UCKL1: variants seen among roughly 807,000 people sequenced by gnomAD.
UCKL1 encodes uridine-cytidine kinase 1 like 1.
Under a neutral mutation model 59.2 loss-of-function variants are expected in UCKL1, and 65 were observed. That is an observed-to-expected ratio of 1.10 (90% CI 0.90 to 1.35). The LOEUF (loss-of-function observed/expected upper bound fraction) is 1.35. Among genes scored for constraint, UCKL1 ranks in the 40% most tolerant of loss-of-function variants. UCKL1 has a pLI of 0.00. For missense variants in UCKL1, 703 were observed against 784.3 expected (o/e 0.90, Z 1.24); for synonymous variants, 410 against 323.1 (o/e 1.27, Z -2.88).
intron 1 of UCKL1, chr20:63,951,294 G>A (rs910851952): frequency 1.2e-5 from 9 of 773,628 alleles, no homozygotes; most frequent in African/African-American, 7.6e-5. Flanking sequence ...TCCTGTGTGT[G>A]GGCTGGCACA....
Position 63,945,809 on chromosome 20 carries a change from T to C in UCKL1, c.578A>G (p.Asp193Gly). The change falls in exon 4 of 15, where the codon GAC becomes GGC. Residue 193 changes from aspartate to glycine, a missense_variant. Physicochemically the swap from Asp to Gly is moderately conservative, Grantham distance 94. Around this residue, in one of 4 missense-constraint regions of UCKL1, gnomAD observed 398 missense variants for 373.0 expected, o/e 1.07. Transcript: ENST00000354216. ...YDFTTHSRKK[D>G]WKTLYGANVI... ...CTCTGCAGGGCCCTGGCCTACCCAG[T>C]CCTTCTTCCGGCTGTGCGTGGTGAA... The C allele has an allele frequency of 1.9e-6, 3 of 1,613,566 alleles. No individual in the cohort carries two copies. The highest frequency in any genetic ancestry group is 1.1e-5 in the South Asian group (1 of 91,086).
rs1175903967 is a variant in UCKL1 at position 63,956,296 on chromosome 20, C to T, written c.77G>A (p.Arg26Gln). The T allele has an allele frequency of 1.3e-6, 2 of 1,561,610 alleles. No homozygotes were observed. The highest frequency in any genetic ancestry group is 1.7e-6 in the Non-Finnish European group (2 of 1,158,300). Reference sequence around the variant, plus strand: ...CGCGGTCTCGCTTTTCTCAGCCTGCCGGCCTGGTGTGTCTCGGGCCGTAGG... The same window carrying T: ...CGCGGTCTCGCTTTTCTCAGCCTGCTGGCCTGGTGTGTCTCGGGCCGTAGG... ...SPPTARDTPGRQAEKSETACE... is the reference protein window; with the variant it reads ...SPPTARDTPGQQAEKSETACE... The change falls in exon 1 of 15, where the codon CGG becomes CAG. Residue 26 changes from arginine to glutamine, a missense_variant. Physicochemically the swap from Arg to Gln is conservative, Grantham distance 43 (BLOSUM62 1). Coordinates refer to ENST00000354216, the MANE Select transcript of UCKL1 (RefSeq NM_017859.4).
chr20:63,950,651 T>C, intron 1 of UCKL1: 1 of 1,264,902 alleles, frequency 7.9e-7, no homozygotes, highest in Non-Finnish European at 1.0e-6. Context: ...CCTGCCAGCC[T>C]GTTTGATTCC....
chr20:63,945,527 A>C, intron 5 of UCKL1, 124 bp downstream of exon 5: 1 of 954,026 alleles, frequency 1.0e-6, no homozygotes, highest in Non-Finnish European at 1.6e-6. Context: ...TGGGGTAGGG[A>C]GTGGCTGGCC....
chr20:63,940,669 C>CG lies in UCKL1; in HGVS notation c.1226dup (p.Leu410AlafsTer38). The CG allele has an allele frequency of 6.2e-7, 1 of 1,608,608 alleles. No homozygotes were observed. On this transcript the variant is annotated frameshift_variant, in exon 12 of 15. Coordinates refer to ENST00000354216, the MANE Select transcript of UCKL1 (RefSeq NM_017859.4). LOFTEE classifies it high-confidence loss of function. ...GCACGTCTTTGCACACAGCGCGCAG[C>CG]GCGGGCTCCATGGTTTCACCGGCGC... is the stretch of plus-strand genomic sequence containing the variant.
intron 1 of UCKL1, among the ~76,000 whole-genome samples, chr20:63,949,294 C>A (rs2057206395): frequency 6.6e-6 from 1 of 152,132 alleles, no homozygotes; most frequent in African/African-American, 2.4e-5. Flanking sequence ...GAGGGCGGCC[C>A]GGGGGACAGC....
At position 63,940,938 on chromosome 20, in the gene UCKL1, C is replaced by CG; in HGVS notation, c.1116+11dup. On this transcript the variant is annotated intron_variant, in intron 10 of 14. Transcript: ENST00000354216. ...GACCCACCCTCCACCTCGCGGGCTACGGGCTACGAACCTGAAAGGGCAGGA... is the reference window on the plus strand; with the variant it reads ...GACCCACCCTCCACCTCGCGGGCTACGGGGCTACGAACCTGAAAGGGCAGGA... 1 of 1,520,482 alleles carries CG rather than the reference C, an allele frequency of 6.6e-7. No individual in the cohort carries two copies. The highest frequency in any genetic ancestry group is 8.8e-7 in the Non-Finnish European group (1 of 1,133,200). The allele number at this position is 1,520,482 out of a possible 1,614,324, so 94.2% of individuals were successfully genotyped here. A position where few individuals can be genotyped will look rare whatever the true frequency, so the allele number is the denominator to read the frequency against.
intron 8 of UCKL1, chr20:63,941,646 A>C (rs1457237433): frequency 9.1e-6 from 2 of 220,502 alleles, no homozygotes; most frequent in African/African-American, 4.8e-5. Flanking sequence ...CTCCTCCCCG[A>C]GGTGGTGCGC....
chr20:63,941,335 G>A (rs765212141), intron 8 of UCKL1, 127 bp from the exon 9 acceptor site: 266 of 1,386,000 alleles, frequency 1.9e-4, no homozygotes, highest in Non-Finnish European at 2.5e-4. Context: ...GGTGCAGAGC[G>A]GGCCTGACTT....
rs908973908 is a variant in UCKL1, at chr20:63,939,934, G to A, written c.*42C>T. 2.6e-6 allele frequency: 4 copies of A among 1,557,358 alleles called. No homozygotes were observed. Among genetic ancestry groups the A allele is most frequent in the African/African-American group, 1.4e-5 (1 of 73,950 alleles). ...TGTATTCAGCAGTCCTGGGTCAGGA[G>A]GCAGGAGGAGGGTGGTGGGGACGGG... On this transcript the variant is annotated 3_prime_UTR_variant, in exon 15 of 15. Coordinates refer to ENST00000354216, the MANE Select transcript of UCKL1 (RefSeq NM_017859.4).
chr20:63,950,642 C>G, intron 1 of UCKL1: 1 of 1,231,228 alleles, frequency 8.1e-7, no homozygotes, highest in Non-Finnish European at 1.1e-6. Flanking sequence ...CCGAGAGCAC[C>G]TGCCAGCCTG....
At chr20:63,943,998 G>T (rs1176710980) in intron 7 of UCKL1, among the ~76,000 whole-genome samples, 1 of 152,222 alleles carries the variant, frequency 6.6e-6, no homozygotes. Flanking sequence ...CCTCTGGTGG[G>T]GGTGTCGCTC....
intron 3 of UCKL1, 71 bp from the exon 4 acceptor site, chr20:63,946,046 C>G: frequency 1.2e-6 from 2 of 1,610,218 alleles, no homozygotes; most frequent in Admixed American, 3.3e-5. Flanking sequence ...GACAGGGGCT[C>G]TAGGCCTCCC....
intron 8 of UCKL1, 141 bp downstream of exon 8, chr20:63,943,512 G>T: frequency 8.2e-7 from 1 of 1,223,808 alleles, no homozygotes; most frequent in Non-Finnish European, 1.2e-6. Context: ...GGAGGCAGAA[G>T]CAGGGCTGGG....
chr20:63,946,252 C>G lies in UCKL1; in HGVS notation c.320G>C (p.Ser107Thr). The change falls in exon 3 of 15, where the codon AGT becomes ACT. Residue 107 changes from serine to threonine, a missense_variant. Coordinates refer to ENST00000354216, the MANE Select transcript of UCKL1 (RefSeq NM_017859.4). ...EAFAIGLGGG[S>T]ASGKTTVARM... Reference sequence around the variant, plus strand: ...GGCCACAGTGGTCTTCCCAGAGGCACTGCCGCCTCCCAAGCCTGCCGGCGG... The same window carrying G: ...GGCCACAGTGGTCTTCCCAGAGGCAGTGCCGCCTCCCAAGCCTGCCGGCGG... 6.3e-7 allele frequency: 1 copy of G among 1,597,506 alleles called. No individual in the cohort carries two copies. Among genetic ancestry groups the G allele is most frequent in the Non-Finnish European group, 8.5e-7 (1 of 1,173,062 alleles).
chr20:63,939,896 A>G lies in UCKL1; in HGVS notation c.*80T>C. On this transcript the variant is annotated 3_prime_UTR_variant, in exon 15 of 15. Transcript: ENST00000354216. ...ATAAATTATACTAGTAACATTTTAA[A>G]AATTAACATCTTTGTATTCAGCAGT... 2 of 1,211,082 alleles carry G rather than the reference A, an allele frequency of 1.7e-6. No individual in the cohort carries two copies. Among genetic ancestry groups the G allele is most frequent in the Non-Finnish European group, 2.4e-6 (2 of 843,796 alleles). 75.0% of individuals were successfully genotyped at this position (1,211,082 alleles called of 1,614,324 possible).
chr20:63,947,507 AAGGGCTCAGGGAGAGAGGCAG>A (rs1415969223), intron 1 of UCKL1, among the ~76,000 whole-genome samples: 1 of 152,234 alleles, frequency 6.6e-6, no homozygotes, highest in African/African-American at 2.4e-5. Flanking sequence ...GACCAGGCTG[AAGGGCTCAGGGAGAGAGGCAG>A]AGGGCTCAGC....
rs781066928 is a variant in UCKL1, at chr20:63,941,021, C to T, written c.1045G>A (p.Glu349Lys). The T allele has an allele frequency of 2.6e-6, 4 of 1,561,996 alleles. No homozygotes were observed. The highest frequency in any genetic ancestry group is 2.4e-5 in the South Asian group (2 of 84,770). ...AGTCTCTTGGAGTAGAAGATGAACT[C>T]GTCGCGACTGGTCTCCTTGTCCCTG... ...IIRDKETSRDEFIFYSKRLMR... is the reference protein window; with the variant it reads ...IIRDKETSRDKFIFYSKRLMR... The change falls in exon 10 of 15, where the codon GAG becomes AAG. Residue 349 changes from glutamate (E) to lysine (K), a missense_variant. Glu to Lys is a moderately conservative substitution (Grantham distance 56). Around this residue, in one of 4 missense-constraint regions of UCKL1, gnomAD observed 156 missense variants for 185.6 expected, o/e 0.84. Coordinates refer to ENST00000354216, the MANE Select transcript of UCKL1 (RefSeq NM_017859.4).
chr20:63,952,755 G>A (rs1410831576), intron 1 of UCKL1, among the ~76,000 whole-genome samples: 1 of 152,190 alleles, frequency 6.6e-6, no homozygotes, highest in Non-Finnish European at 1.5e-5. Context: ...GGCACCCCTT[G>A]CCCTTCCCTC....
Sources: gnomAD v4.1 joint callset for allele counts (sites outside exome capture counted in the v4.1 genomes callset) on GRCh38, gnomAD v4.1.1 for gene constraint, gnomAD v4.1.1 regional missense constraint, MANE v1.5 for transcripts, NCBI Gene and HGNC (gene_info 2026-07-23, HGNC 2026-07-21) for gene names.